Variants in MYO5B observed in about 807,000 individuals in gnomAD.
The protein encoded by MYO5B is unconventional myosin-Vb.
A neutral mutation model predicts 229.3 loss-of-function variants in MYO5B; 143 were observed. The ratio of observed to expected loss-of-function variants is 0.62; its 90% CI spans 0.54 to 0.72. The LOEUF (loss-of-function observed/expected upper bound fraction) is 0.72. MYO5B is among the 30% of genes least tolerant of loss of function. The pLI is 0.00. For synonymous variants in MYO5B, 918 were observed against 885.2 expected (o/e 1.04, Z -0.66); for missense variants, 2,321 against 2,331.0 (o/e 1.00, Z 0.09).
intron 4 of MYO5B, among the ~76,000 whole-genome samples, chr18:50,002,035 CAAAAA>C (rs34864756): frequency 7.7e-6 from 1 of 129,366 alleles, no homozygotes; most frequent in African/African-American, 2.9e-5. Flanking sequence ...AACTCCGTCT[CAAAAA>C]AAAAAAAAAA....
rs767577269 is a variant in MYO5B, at chr18:49,853,471, G to A, written c.4199C>T (p.Ser1400Phe). ...CACCAGATTCTCGTTGGTCAGCCGG[G>A]ATATTTCCTGCTGAACGCCGAATTC... ...QVEFGVQQEI[S>F]RLTNENLDLK... The change falls in exon 31 of 40, where the codon TCC becomes TTC. Residue 1400 changes from serine (S) to phenylalanine (F), a missense_variant. Ser to Phe is a radical substitution (Grantham distance 155, BLOSUM62 -2). This residue lies in a region of MYO5B where 2,113 missense variants were observed against 2,044.7 expected (regional missense o/e 1.03). Transcript: ENST00000285039. The A allele has an allele frequency of 1.2e-6, 2 of 1,613,926 alleles. No individual in the cohort carries two copies. Among genetic ancestry groups the A allele is most frequent in the Admixed American group, 1.7e-5 (1 of 60,002 alleles).
rs567956726 is a variant in MYO5B at position 49,945,141 on chromosome 18, G to A, written c.1753-7744C>T. Among the ~76,000 whole-genome samples the A allele has an allele frequency of 5.3e-4, 80 of 152,124 alleles. No individual in the cohort carries two copies. The South Asian group carries it at 0.016, about 31-fold the overall frequency. On this transcript the variant is annotated intron_variant, in intron 14 of 39. Transcript: ENST00000285039. ...GCTTTTTCCTGCACTTCCATCCTTTGCATTGCCATTTTCCAGAGCCTCATC... is the reference window on the plus strand; with the variant it reads ...GCTTTTTCCTGCACTTCCATCCTTTACATTGCCATTTTCCAGAGCCTCATC...
At chr18:50,180,144 G>A (rs1449477776) in intron 1 of MYO5B, among the ~76,000 whole-genome samples, 3 of 152,168 alleles carry the variant, frequency 2.0e-5, no homozygotes, top group African/African-American at 4.8e-5. Context: ...TTTGTTAGGT[G>A]AGAGGACCAG....
intron 23 of MYO5B, among the ~76,000 whole-genome samples, chr18:49,879,758 C>T (rs1045884952): frequency 6.6e-6 from 1 of 152,132 alleles, no homozygotes; most frequent in Non-Finnish European, 1.5e-5. Context: ...TCTCCCTGCT[C>T]CTCCACAGCC....
chr18:49,838,829 T>C (rs541879559), intron 36 of MYO5B, among the ~76,000 whole-genome samples: 53 of 152,374 alleles, frequency 3.5e-4, no homozygotes, highest in African/African-American at 1.2e-3. Flanking sequence ...AAGAGGGTTA[T>C]GCTTTTTCAC....
chr18:50,171,729 G>A lies in MYO5B; in HGVS notation c.27+23038C>T. On this transcript the variant is annotated intron_variant, in intron 1 of 39. Transcript: ENST00000285039. ...CATGGCTGCATAGAGGAGGGGTTTT[G>A]TCAAGATGTTGAAATGGAGTTGTGG... is the stretch of plus-strand genomic sequence containing the variant. Among the ~76,000 whole-genome samples, 2 of 127,832 alleles carry A rather than the reference G, an allele frequency of 1.6e-5. 1 individual carries two copies. The highest frequency in any genetic ancestry group is 1.7e-4 in the Admixed American group (2 of 11,988). The allele number at this position is 127,832 out of a possible 152,430, so 83.9% of individuals were successfully genotyped here. A position where few individuals can be genotyped will look rare whatever the true frequency, so the allele number is the denominator to read the frequency against.
At chr18:50,021,230 C>A (rs1214390071) in intron 4 of MYO5B, among the ~76,000 whole-genome samples, 2 of 152,200 alleles carry the variant, frequency 1.3e-5, no homozygotes, top group Non-Finnish European at 2.9e-5. Flanking sequence ...TGAAAACCTC[C>A]CACTGGATGG....
chr18:50,039,685 T>C (rs2029947950), intron 3 of MYO5B, among the ~76,000 whole-genome samples: 1 of 152,236 alleles, frequency 6.6e-6, no homozygotes, highest in Non-Finnish European at 1.5e-5. Context: ...TAAAATATGT[T>C]ATGAATTTTG....
At chr18:50,068,730 A>G (rs1400848147) in intron 1 of MYO5B, among the ~76,000 whole-genome samples, 1 of 152,212 alleles carries the variant, frequency 6.6e-6, no homozygotes, top group East Asian at 1.9e-4. Context: ...TTACCAAGGC[A>G]CACAGACCTC....
At chr18:49,904,310 A>C (rs75725470) in intron 20 of MYO5B, among the ~76,000 whole-genome samples, 4,890 of 152,130 alleles carry the variant, frequency 0.032, 104 homozygotes, top group Middle Eastern at 0.054. Context: ...TCACCATGCG[A>C]CCTCTGCACA....
At chr18:50,052,539 A>G (rs2030422942) in intron 2 of MYO5B, among the ~76,000 whole-genome samples, 2 of 116,618 alleles carry the variant, frequency 1.7e-5, no homozygotes. Context: ...GGAACATCAC[A>G]CTCTGGGGAC....
chr18:49,955,268 TTAAAAG>T (rs1195093912), intron 12 of MYO5B, among the ~76,000 whole-genome samples: 1 of 152,218 alleles, frequency 6.6e-6, no homozygotes, highest in Admixed American at 6.5e-5. Context: ...ATGGATGGCT[TTAAAAG>T]TAAAAAGCAT....
intron 4 of MYO5B, among the ~76,000 whole-genome samples, chr18:50,002,775 T>C (rs2026062146): frequency 6.6e-6 from 1 of 152,098 alleles, no homozygotes. Flanking sequence ...GCAACTTAGC[T>C]CTCAACTAAT....
At chr18:50,088,190 G>T (rs1240946673) in intron 1 of MYO5B, among the ~76,000 whole-genome samples, 2 of 152,260 alleles carry the variant, frequency 1.3e-5, no homozygotes, top group East Asian at 3.9e-4. Flanking sequence ...AATAAACGTG[G>T]CAAGTCAGGA....
At chr18:49,868,613 T>C (rs1455901638) in intron 27 of MYO5B, among the ~76,000 whole-genome samples, 1 of 152,230 alleles carries the variant, frequency 6.6e-6, no homozygotes, top group Admixed American at 6.5e-5. Flanking sequence ...TGGCTCCTTT[T>C]GGCTACCAGG....
At chr18:50,189,471 G>T (rs1026285381) in intron 1 of MYO5B, among the ~76,000 whole-genome samples, 1 of 152,174 alleles carries the variant, frequency 6.6e-6, no homozygotes, top group East Asian at 1.9e-4. Context: ...ATTGGTTAAG[G>T]ACTGTTCCCT....
chr18:49,866,100 G>A (rs747607358), intron 27 of MYO5B, among the ~76,000 whole-genome samples: 2 of 152,092 alleles, frequency 1.3e-5, no homozygotes, highest in South Asian at 2.1e-4. Context: ...ATGTAGTTTC[G>A]CTCTGTCGCC....
chr18:49,897,743 A>G (rs2024795635), intron 21 of MYO5B, among the ~76,000 whole-genome samples: 1 of 152,248 alleles, frequency 6.6e-6, no homozygotes, highest in Non-Finnish European at 1.5e-5. Flanking sequence ...TTATTGAAGA[A>G]AAGCAATTTT....
At chr18:50,120,444 G>T (rs905571151) in intron 1 of MYO5B, among the ~76,000 whole-genome samples, 2 of 152,210 alleles carry the variant, frequency 1.3e-5, no homozygotes, top group Non-Finnish European at 2.9e-5. Context: ...GGTCTGCGTT[G>T]CTGGGACCCA....
Sources: allele counts gnomAD v4.1 joint callset (sites outside exome capture counted in the v4.1 genomes callset), GRCh38; gene constraint gnomAD v4.1.1; regional missense constraint gnomAD v4.1.1; transcripts MANE v1.5; gene names NCBI Gene and HGNC (gene_info 2026-07-23, HGNC 2026-07-21).